Variants in DDR2 observed in about 807,000 individuals in gnomAD.
DDR2 encodes the protein discoidin domain-containing receptor 2.
Under a neutral mutation model 94.9 loss-of-function variants are expected in DDR2, and 27 were observed. That is an observed-to-expected ratio of 0.28 (90% confidence interval 0.21 to 0.39). DDR2 has a LOEUF of 0.39. Among genes scored for constraint, DDR2 ranks in the 10% least tolerant of loss-of-function variants. The probability of loss-of-function intolerance (pLI) is 1.00; values close to 1 mark genes in which losing one functional copy is unlikely to be tolerated. For synonymous variants in DDR2, 382 were observed against 377.2 expected, an observed-to-expected ratio of 1.01 and a Z score of -0.15; for missense variants, 783 against 1,076.0, an observed-to-expected ratio of 0.73 and a Z score of 3.81.
rs1400941087 is a variant in DDR2, at chr1:162,761,201, T to C, written c.856-10T>C. ...CCAACCTATCACTCACATGCCTCTT[T>C]CTCTACCAGGTCCACTGCAACAACA... On this transcript the variant is annotated splice_polypyrimidine_tract_variant and intron_variant, in intron 8 of 17. Coordinates refer to ENST00000367921, the MANE Select transcript of DDR2 (RefSeq NM_006182.4). 1 of 1,613,932 alleles carries C rather than the reference T, an allele frequency of 6.2e-7. No homozygotes were observed. Among genetic ancestry groups the C allele is most frequent in the Non-Finnish European group, 8.5e-7 (1 of 1,180,008 alleles).
chr1:162,648,057 C>CT (rs34938100), intron 1 of DDR2, among the ~76,000 whole-genome samples: 122 of 142,650 alleles, frequency 8.6e-4, no homozygotes, highest in African/African-American at 3.0e-3. Context: ...AGGTTTTTTC[C>CT]TTTTTTTTTT....
In DDR2 at chr1:162,648,744, A is replaced by G. The variant is rs577742429; in HGVS notation, c.-191-6467A>G. ...AGAAAAGCCAGAGGGATGTGGAAGG[A>G]CAAGATGGCATGACCACGAATGGTG... On this transcript the variant is annotated intron_variant, in intron 1 of 17. Coordinates refer to ENST00000367921, the MANE Select transcript of DDR2 (RefSeq NM_006182.4). Among the ~76,000 whole-genome samples the G allele has an allele frequency of 3.7e-4, 56 of 152,316 alleles. No homozygotes were observed. In the South Asian group the frequency reaches 0.011, roughly 31 times the overall value.
rs16844048 is a variant in DDR2, at chr1:162,723,661, C to T, written c.82+4516C>T. 4.9e-3 allele frequency among the ~76,000 whole-genome samples: 743 copies of T among 152,292 alleles called. 7 individuals are homozygous for T. Among genetic ancestry groups the T allele is most frequent in the East Asian group, 0.034 (178 of 5,180 alleles). ...CACAGGGGTGCTTGTTCTTATTCCC[C>T]TGACTTGGCCTGTGACAACTGTTTG... On this transcript the variant is annotated intron_variant, in intron 3 of 17. Coordinates refer to ENST00000367921, the MANE Select transcript of DDR2 (RefSeq NM_006182.4).
chr1:162,699,780 CAGTTTT>C (rs1660347807), intron 2 of DDR2, among the ~76,000 whole-genome samples: 1 of 152,214 alleles, frequency 6.6e-6, no homozygotes. Context: ...AGTGAAAATT[CAGTTTT>C]AGTTTTAAAA....
Position 162,780,452 on chromosome 1 carries a change from A to T in DDR2, c.*206A>T. 1.5e-6 allele frequency: 1 copy of T among 654,480 alleles called. No homozygotes were observed. The highest frequency in any genetic ancestry group is 2.2e-5 in the South Asian group (1 of 45,824). 40.5% of individuals were successfully genotyped at this position (654,480 alleles called of 1,614,324 possible). ...TTTTTTTTACATTAAAGAACTAAAA[A>T]AGGAAAAAAAAAAGCCTAGGGCAGA... On this transcript the variant is annotated 3_prime_UTR_variant, in exon 18 of 18. Coordinates refer to ENST00000367921, the MANE Select transcript of DDR2 (RefSeq NM_006182.4).
intron 2 of DDR2, among the ~76,000 whole-genome samples, chr1:162,699,039 C>A (rs1253853614): frequency 2.0e-5 from 3 of 151,870 alleles, no homozygotes; most frequent in African/African-American, 7.2e-5. Flanking sequence ...GGGACTTACG[C>A]TTATTTAACC....
rs563225586 is a variant in DDR2, at chr1:162,638,112, C to T, written c.-192+5481C>T. On this transcript the variant is annotated intron_variant, in intron 1 of 17. Coordinates refer to ENST00000367921, the MANE Select transcript of DDR2 (RefSeq NM_006182.4). ...CTTGGCTCACTGCACCCTCTGCCTC[C>T]TGGGTTCAAGTGATTCTCCTGCCTC... 3.3e-5 allele frequency among the ~76,000 whole-genome samples: 5 copies of T among 152,252 alleles called. No individual in the cohort carries two copies. The South Asian group carries it at 1.0e-3, about 32-fold the overall frequency.
At chr1:162,673,608 TGAGAGAGAGA>T (rs10684469) in intron 2 of DDR2, among the ~76,000 whole-genome samples, 4,100 of 117,210 alleles carry the variant, frequency 0.035, 200 homozygotes, top group African/African-American at 0.12. Context: ...TGTGTGTGTG[TGAGAGAGAGA>T]GAGAGAGAGA....
intron 2 of DDR2, among the ~76,000 whole-genome samples, chr1:162,662,501 C>T (rs1475568765): frequency 6.6e-6 from 1 of 152,144 alleles, no homozygotes; most frequent in Non-Finnish European, 1.5e-5. Context: ...TATCCATTTG[C>T]AGTCTGTCTC....
At position 162,778,116 on chromosome 1, in the gene DDR2, C is replaced by T. The variant is rs184786881; in HGVS notation, c.2284-464C>T. The T allele has an allele frequency of 5.8e-4, 147 of 254,338 alleles. 2 individuals are homozygous for T. The highest frequency in any genetic ancestry group is 7.9e-4 in the Non-Finnish European group (103 of 129,944). 15.8% of individuals were successfully genotyped at this position (254,338 alleles called of 1,614,324 possible). On this transcript the variant is annotated intron_variant, in intron 16 of 17. Transcript: ENST00000367921. ...AGTAGTCAATGCATGCTATTTACAC[C>T]TGAATCTCATTGCTGTCACTTGTTA...
intron 9 of DDR2, among the ~76,000 whole-genome samples, chr1:162,762,323 A>G (rs567702463): frequency 2.0e-4 from 30 of 152,106 alleles, no homozygotes; most frequent in Non-Finnish European, 3.4e-4. Flanking sequence ...ATTTGATTCC[A>G]GTTCAATATT....
At chr1:162,690,543 T>A (rs1395681327) in intron 2 of DDR2, among the ~76,000 whole-genome samples, 1 of 152,192 alleles carries the variant, frequency 6.6e-6, no homozygotes, top group Admixed American at 6.5e-5. Context: ...ATAGATTTCC[T>A]CGATGCTTCT....
intron 12 of DDR2, among the ~76,000 whole-genome samples, 178 bp from the exon 13 acceptor site, chr1:162,771,846 A>G (rs1258840049): frequency 1.3e-5 from 2 of 152,364 alleles, no homozygotes; most frequent in African/African-American, 4.8e-5. Flanking sequence ...GATGTTCTAC[A>G]TTCTGTAGGC....
intron 12 of DDR2, among the ~76,000 whole-genome samples, chr1:162,771,551 T>C (rs1275052545): frequency 1.3e-5 from 2 of 152,222 alleles, no homozygotes; most frequent in Non-Finnish European, 2.9e-5. Context: ...ATTTCCTAAG[T>C]CTAAAACATC....
chr1:162,764,392 T>TAAAAAAAAAAAAA, intron 9 of DDR2, among the ~76,000 whole-genome samples: 1 of 122,592 alleles, frequency 8.2e-6, no homozygotes. Context: ...CAGAATGCTT[T>TAAAAAAAAAAAAA]AAAAAAAAAA....
At chr1:162,682,584 C>A (rs1001506628) in intron 2 of DDR2, among the ~76,000 whole-genome samples, 36 of 152,330 alleles carry the variant, frequency 2.4e-4, no homozygotes, top group Admixed American at 1.7e-3. Flanking sequence ...ATAATGGGTG[C>A]AAGCAAGAAT....
chr1:162,765,046 A>G lies in DDR2; in HGVS notation c.1100-955A>G, dbSNP rs144801435. Among the ~76,000 whole-genome samples, 582 of 152,268 alleles carry G rather than the reference A, an allele frequency of 3.8e-3. 1 individual carries two copies. Among genetic ancestry groups the G allele is most frequent in the African/African-American group, 0.013 (546 of 41,550 alleles). Reference sequence around the variant, plus strand: ...GATTGATTGTTTCATCTGAATACTGAGAGTAGAAATCAAGATGCTCAAAGT... The same window carrying G: ...GATTGATTGTTTCATCTGAATACTGGGAGTAGAAATCAAGATGCTCAAAGT... On this transcript the variant is annotated intron_variant, in intron 9 of 17. Transcript: ENST00000367921.
intron 1 of DDR2, among the ~76,000 whole-genome samples, chr1:162,648,055 TC>T (rs1426923452): frequency 6.5e-3 from 250 of 38,698 alleles, no homozygotes; most frequent in African/African-American, 0.013. Flanking sequence ...AGAGGTTTTT[TC>T]CTTTTTTTTT....
intron 17 of DDR2, 30 bp downstream of exon 17, chr1:162,778,759 G>A (rs747409144): frequency 5.0e-6 from 8 of 1,613,474 alleles, no homozygotes; most frequent in Non-Finnish European, 5.9e-6. Context: ...AATGGATGTG[G>A]ACCTGTGTAC....
Sources: gnomAD v4.1 joint callset for allele counts (sites outside exome capture counted in the v4.1 genomes callset) on GRCh38, gnomAD v4.1.1 for gene constraint, MANE v1.5 for transcripts, NCBI Gene and HGNC (gene_info 2026-07-23, HGNC 2026-07-21) for gene names.